Variants in YTHDF3 observed in about 807,000 individuals in gnomAD.
The protein encoded by YTHDF3 is YTH N6-methyladenosine RNA binding protein F3, also known as YTH domain-containing family protein 3.
YTHDF3 carries 9 observed loss-of-function variants against 52.5 expected under a neutral mutation model. The observed-to-expected ratio is 0.17, with a 90% CI of 0.10 to 0.30. The LOEUF (loss-of-function observed/expected upper bound fraction) is 0.30, where lower values mean the gene tolerates loss of function less well. Among genes scored for constraint, YTHDF3 ranks in the 10% least tolerant of loss-of-function variants. The probability of loss-of-function intolerance (pLI) is 1.00; values close to 1 mark genes in which losing one functional copy is unlikely to be tolerated. For missense variants in YTHDF3, 534 were observed against 715.0 expected, an observed-to-expected ratio of 0.75 and a Z score of 2.89; for synonymous variants, 274 against 243.3, an observed-to-expected ratio of 1.13 and a Z score of -1.18.
At chr8:63,169,969 A>G (rs1374420340) in intron 2 of YTHDF3, among the ~76,000 whole-genome samples, 2 of 152,200 alleles carry the variant, frequency 1.3e-5, no homozygotes, top group Admixed American at 6.5e-5. Context: ...CTGGTATTTT[A>G]TAAAGGGCTG....
chr8:63,172,936 T>C (rs1284275000), intron 2 of YTHDF3: 1 of 707,972 alleles, frequency 1.4e-6, no homozygotes, highest in Non-Finnish European at 2.0e-6. Context: ...CGAAAGTCTT[T>C]AAGATAGTTT....
chr8:63,188,205 G>A (rs958348945), intron 4 of YTHDF3, among the ~76,000 whole-genome samples: 3 of 151,678 alleles, frequency 2.0e-5, no homozygotes, highest in Non-Finnish European at 2.9e-5. Context: ...TGCAGTTATG[G>A]CGTATAGCCT....
At chr8:63,183,761 T>TA (rs1467297417) in intron 3 of YTHDF3, among the ~76,000 whole-genome samples, 1 of 152,212 alleles carries the variant, frequency 6.6e-6, no homozygotes, top group African/African-American at 2.4e-5. Context: ...CAGCCCTCCG[T>TA]ATCTGCAGTG....
chr8:63,192,121 C>G (rs987518161), intron 4 of YTHDF3, among the ~76,000 whole-genome samples: 4 of 152,190 alleles, frequency 2.6e-5, no homozygotes, highest in Non-Finnish European at 5.9e-5. Context: ...CAAACCCTCC[C>G]TTATATACTA....
chr8:63,189,914 T>C (rs1808805498), intron 4 of YTHDF3, among the ~76,000 whole-genome samples: 1 of 152,172 alleles, frequency 6.6e-6, no homozygotes, highest in African/African-American at 2.4e-5. Flanking sequence ...TATAATTGTG[T>C]TTTCTCCCAC....
intron 4 of YTHDF3, among the ~76,000 whole-genome samples, chr8:63,208,996 T>C (rs1273224118): frequency 2.6e-5 from 4 of 152,162 alleles, no homozygotes; most frequent in African/African-American, 9.7e-5. Context: ...GCCTCCCCAG[T>C]AGCTGGGATT....
rs1810256051 is a variant in YTHDF3 at position 63,209,609 on chromosome 8, A to C, written c.1735-74A>C. On this transcript the variant is annotated intron_variant, in intron 4 of 4. Transcript: ENST00000539294. ...GAGATGATTTACATTATATGTGCAT[A>C]TAGTTTAAATCTTTAAATAATGAGA... 6 of 1,382,250 alleles carry C rather than the reference A, an allele frequency of 4.3e-6. No individual in the cohort carries two copies. The South Asian group carries it at 8.0e-5, about 18-fold the overall frequency. 85.6% of individuals were successfully genotyped at this position (1,382,250 alleles called of 1,614,324 possible). A position where few individuals can be genotyped will look rare whatever the true frequency, so the allele number is the denominator to read the frequency against.
At chr8:63,207,800 A>G (rs1228983719) in intron 4 of YTHDF3, among the ~76,000 whole-genome samples, 1 of 152,084 alleles carries the variant, frequency 6.6e-6, no homozygotes, top group Non-Finnish European at 1.5e-5. Context: ...AGTTTTGATC[A>G]CTTATTTTAT....
chr8:63,203,833 T>C (rs1179771133), intron 4 of YTHDF3, among the ~76,000 whole-genome samples: 1 of 152,270 alleles, frequency 6.6e-6, no homozygotes, highest in African/African-American at 2.4e-5. Context: ...GTTTGGCTGA[T>C]ACTTTCTCAT....
At chr8:63,208,354 T>C (rs1810171909) in intron 4 of YTHDF3, among the ~76,000 whole-genome samples, 2 of 152,332 alleles carry the variant, frequency 1.3e-5, no homozygotes, top group Admixed American at 1.3e-4. Context: ...GAAAACTAAA[T>C]TGACCACTTG....
At chr8:63,169,082 C>T in intron 1 of YTHDF3, 181 bp downstream of exon 1, 3 of 1,378,964 alleles carry the variant, frequency 2.2e-6, no homozygotes, top group South Asian at 1.7e-5. Context: ...AGCTTGCGGG[C>T]GGGCGGGCGC....
chr8:63,209,712 T>C lies in YTHDF3; in HGVS notation c.*6T>C, dbSNP rs1468797716. The C allele has an allele frequency of 1.3e-6, 2 of 1,576,554 alleles. No individual in the cohort carries two copies. Among genetic ancestry groups the C allele is most frequent in the Non-Finnish European group, 1.7e-6 (2 of 1,166,870 alleles). On this transcript the variant is annotated 3_prime_UTR_variant, in exon 5 of 5. Transcript: ENST00000539294. ...GAAATAGAAACAAACAATAACCGTA[T>C]GAAGATGTCCTGTTAAATTTACAAC...
intron 2 of YTHDF3, chr8:63,172,593 A>G (rs558060405): frequency 2.7e-5 from 11 of 400,508 alleles, no homozygotes; most frequent in African/African-American, 1.2e-4. Context: ...CATTTTATCA[A>G]TCCTCACAAC....
chr8:63,171,391 C>G (rs984904307), intron 2 of YTHDF3, among the ~76,000 whole-genome samples: 2 of 152,172 alleles, frequency 1.3e-5, no homozygotes, highest in Admixed American at 6.5e-5. Context: ...TTTCTTTTCA[C>G]TTTCCTCACT....
At chr8:63,175,552 A>G (rs1231126223) in intron 3 of YTHDF3, 136 bp downstream of exon 3, 17 of 641,568 alleles carry the variant, frequency 2.6e-5, no homozygotes, top group Non-Finnish European at 4.0e-5. Flanking sequence ...GTAAGTGAGT[A>G]GTGAGTAGCA....
In YTHDF3 at chr8:63,186,499, G is replaced by T. The variant is rs1356070814; in HGVS notation, c.488G>T (p.Gly163Val). The change falls in exon 4 of 5, where the codon GGG becomes GTG. Residue 163 changes from glycine (G) to valine (V), a missense_variant. Gly to Val is a moderately radical substitution (Grantham distance 109). Coordinates refer to ENST00000539294, the MANE Select transcript of YTHDF3 (RefSeq NM_152758.6). ...SSYGYPPSSLGRAITDGQAGF... is the reference protein window; with the variant it reads ...SSYGYPPSSLVRAITDGQAGF... Reference sequence around the variant, plus strand: ...TATGGCTATCCACCTAGTTCTCTTGGGAGAGCTATTACTGATGGACAGGCT... The same window carrying T: ...TATGGCTATCCACCTAGTTCTCTTGTGAGAGCTATTACTGATGGACAGGCT... 1 of 1,613,932 alleles carries T rather than the reference G, an allele frequency of 6.2e-7. No homozygotes were observed. The highest frequency in any genetic ancestry group is 8.5e-7 in the Non-Finnish European group (1 of 1,179,870).
chr8:63,206,167 G>T lies in YTHDF3; in HGVS notation c.1735-3516G>T, dbSNP rs141311216. On this transcript the variant is annotated intron_variant, in intron 4 of 4. Transcript: ENST00000539294. Reference sequence around the variant, plus strand: ...TGGCTCACTGCAACCTCTGCCTCCCGGGTTCAAGTGATTCTCCTGCCTCAT... The same window carrying T: ...TGGCTCACTGCAACCTCTGCCTCCCTGGTTCAAGTGATTCTCCTGCCTCAT... Among the ~76,000 whole-genome samples the T allele has an allele frequency of 5.3e-3, 810 of 152,094 alleles. 11 individuals are homozygous for T. The highest frequency in any genetic ancestry group is 0.019 in the African/African-American group (786 of 41,500).
At chr8:63,182,037 G>A (rs1298834918) in intron 3 of YTHDF3, among the ~76,000 whole-genome samples, 4 of 151,882 alleles carry the variant, frequency 2.6e-5, no homozygotes, top group African/African-American at 9.7e-5. Flanking sequence ...CATGTCAGGA[G>A]TTTGAAGCAC....
chr8:63,190,721 G>C (rs1474911163), intron 4 of YTHDF3, among the ~76,000 whole-genome samples: 2 of 152,158 alleles, frequency 1.3e-5, no homozygotes, highest in South Asian at 2.1e-4. Context: ...TCCGTTTTCT[G>C]TATATCACTT....
Sources: allele counts gnomAD v4.1 joint callset (sites outside exome capture counted in the v4.1 genomes callset), GRCh38; gene constraint gnomAD v4.1.1; transcripts MANE v1.5; gene names NCBI Gene and HGNC (gene_info 2026-07-23, HGNC 2026-07-21).